The following TRAPPC9 variants were observed in gnomAD, a reference collection of about 807,000 sequenced individuals.
The protein encoded by TRAPPC9 is trafficking protein particle complex subunit 9.
Under a neutral mutation model 124.0 loss-of-function variants are expected in TRAPPC9, and 83 were observed. The observed-to-expected ratio is 0.67, with a 90% CI of 0.56 to 0.80. TRAPPC9 has a LOEUF of 0.80. Ranked by LOEUF, TRAPPC9 falls within the 30% of genes least tolerant of loss-of-function variation. The probability of loss-of-function intolerance (pLI) is 0.00; values close to 1 mark genes in which losing one functional copy is unlikely to be tolerated. For synonymous variants in TRAPPC9, 638 were observed against 617.5 expected (o/e 1.03, Z -0.49); for missense variants, 1,302 against 1,508.3 (o/e 0.86, Z 2.27).
At chr8:140,207,170 A>T (rs1193134683) in intron 17 of TRAPPC9, among the ~76,000 whole-genome samples, 2 of 152,182 alleles carry the variant, frequency 1.3e-5, no homozygotes, top group Non-Finnish European at 2.9e-5. Context: ...TGACATACTA[A>T]GGATGGTCTC....
chr8:139,952,574 G>C (rs541167420), intron 19 of TRAPPC9, among the ~76,000 whole-genome samples: 1 of 152,340 alleles, frequency 6.6e-6, no homozygotes, highest in East Asian at 1.9e-4. Context: ...GGCAAAGAGT[G>C]TGCCAAGAAA....
intron 21 of TRAPPC9, among the ~76,000 whole-genome samples, chr8:139,810,257 C>T (rs992201205): frequency 2.0e-5 from 3 of 152,162 alleles, no homozygotes; most frequent in South Asian, 2.1e-4. Flanking sequence ...TGGGAGGCGA[C>T]GCCAAGGAGA....
chr8:139,823,179 C>T (rs1245877764), intron 21 of TRAPPC9, among the ~76,000 whole-genome samples: 1 of 152,136 alleles, frequency 6.6e-6, no homozygotes, highest in Non-Finnish European at 1.5e-5. Context: ...TCAGTTCGGA[C>T]CAGTACCCTT....
chr8:140,408,049 A>C (rs1285645528), intron 5 of TRAPPC9, among the ~76,000 whole-genome samples: 1 of 152,206 alleles, frequency 6.6e-6, no homozygotes, highest in African/African-American at 2.4e-5. Flanking sequence ...AGACCAATTT[A>C]ATTTCATTCA....
At chr8:140,329,411 G>C (rs187890660) in intron 9 of TRAPPC9, among the ~76,000 whole-genome samples, 1 of 152,288 alleles carries the variant, frequency 6.6e-6, no homozygotes, top group East Asian at 1.9e-4. Flanking sequence ...AGCAGACAAA[G>C]CGATGGCTCG....
chr8:140,094,935 T>TA (rs1273131056), intron 17 of TRAPPC9: 1 of 152,214 alleles, frequency 6.6e-6, no homozygotes, highest in Non-Finnish European at 1.5e-5. Flanking sequence ...CTGCAGTGGG[T>TA]ACTCAAAAAT....
intron 13 of TRAPPC9, among the ~76,000 whole-genome samples, chr8:140,285,340 T>A (rs1056719918): frequency 5.9e-5 from 9 of 152,206 alleles, no homozygotes; most frequent in African/African-American, 1.7e-4. Context: ...AGGCCACGGC[T>A]ATGGGCCTAC....
At chr8:140,393,313 G>T (rs2068986552) in intron 7 of TRAPPC9, among the ~76,000 whole-genome samples, 1 of 152,096 alleles carries the variant, frequency 6.6e-6, no homozygotes, top group African/African-American at 2.4e-5. Flanking sequence ...TGAGGAAATG[G>T]CAACTTCAAC....
At chr8:140,197,704 T>C (rs1402336072) in intron 17 of TRAPPC9, among the ~76,000 whole-genome samples, 1 of 152,156 alleles carries the variant, frequency 6.6e-6, no homozygotes, top group African/African-American at 2.4e-5. Flanking sequence ...TGTTGCTTTT[T>C]AAAACAGCCA....
At chr8:140,356,820 G>T (rs935874889) in intron 9 of TRAPPC9, among the ~76,000 whole-genome samples, 1 of 151,168 alleles carries the variant, frequency 6.6e-6, no homozygotes, top group African/African-American at 2.5e-5. Context: ...ATGTTGTCCA[G>T]GCTAGTGTCG....
chr8:140,117,145 CTG>C (rs1458102378), intron 17 of TRAPPC9, among the ~76,000 whole-genome samples: 3 of 152,190 alleles, frequency 2.0e-5, no homozygotes, highest in Admixed American at 1.3e-4. Flanking sequence ...ACTGACTTAA[CTG>C]TGCACACCAT....
chr8:140,050,692 A>G (rs960090101), intron 17 of TRAPPC9, among the ~76,000 whole-genome samples: 3 of 152,084 alleles, frequency 2.0e-5, no homozygotes, highest in African/African-American at 7.2e-5. Context: ...AGGAAGAGAG[A>G]TGGGAGATGG....
Position 139,732,008 on chromosome 8 carries a change from C to A in TRAPPC9, c.3250G>T (p.Val1084Leu). ...TCGAGGTAGAAGGTGCTGGAGCCCA[C>A]GAAGGAGACGGTGTCGTGCAGGTCG... is the stretch of plus-strand genomic sequence containing the variant. ...NYDLHDTVSF[V>L]GSSTFYLDAV... Residue 1084 changes from valine (V) to leucine (L), a missense_variant, in exon 22 of 23, where the codon GTG becomes TTG. Val to Leu is a conservative substitution (Grantham distance 32). Transcript: ENST00000438773. The A allele has an allele frequency of 6.3e-7, 1 of 1,595,016 alleles. No individual in the cohort carries two copies. The highest frequency in any genetic ancestry group is 8.5e-7 in the Non-Finnish European group (1 of 1,170,540).
At chr8:140,000,351 G>C (rs1172235875) in intron 18 of TRAPPC9, among the ~76,000 whole-genome samples, 12 of 152,252 alleles carry the variant, frequency 7.9e-5, no homozygotes, top group African/African-American at 2.9e-4. Flanking sequence ...AACACCAAAA[G>C]CAATGGCAAC....
intron 21 of TRAPPC9, among the ~76,000 whole-genome samples, chr8:139,791,326 G>GACACAC (rs56674949): frequency 3.5e-4 from 52 of 147,362 alleles, no homozygotes; most frequent in East Asian, 1.4e-3. Context: ...CCCCTGCACA[G>GACACAC]ACACACACAC....
chr8:139,851,314 G>A (rs759610834), intron 21 of TRAPPC9, among the ~76,000 whole-genome samples: 19 of 152,102 alleles, frequency 1.2e-4, no homozygotes, highest in Admixed American at 3.3e-4. Flanking sequence ...CACTCTCCCC[G>A]TGTCACCATG....
rs753373930 is a variant in TRAPPC9, at chr8:140,451,312, T to A, written c.62A>T (p.Gln21Leu). The A allele has an allele frequency of 6.2e-7, 1 of 1,608,382 alleles. No homozygotes were observed. Among genetic ancestry groups the A allele is most frequent in the South Asian group, 1.1e-5 (1 of 91,082 alleles). The change falls in exon 2 of 23, where the codon CAG becomes CTG. Residue 21 changes from glutamine to leucine, a missense_variant. Around this residue, in one of 3 missense-constraint regions of TRAPPC9, gnomAD observed 657 missense variants for 811.2 expected, o/e 0.81. Coordinates refer to ENST00000438773, the MANE Select transcript of TRAPPC9 (RefSeq NM_001160372.4). Reference sequence around the variant, plus strand: ...CTCCTCGGAGACGATGCCCACAGGCTGGACCACCACGAGCAGCGTCTGGTG... The same window carrying A: ...CTCCTCGGAGACGATGCCCACAGGCAGGACCACCACGAGCAGCGTCTGGTG... ...EDHQTLLVVV[Q>L]PVGIVSEENF...
intron 9 of TRAPPC9, among the ~76,000 whole-genome samples, chr8:140,349,632 G>C (rs1452461737): frequency 6.6e-6 from 1 of 152,160 alleles, no homozygotes; most frequent in Non-Finnish European, 1.5e-5. Context: ...CGGCAGGAGG[G>C]AGCGGGGAAC....
At chr8:139,991,556 T>A (rs1837645183) in intron 18 of TRAPPC9, among the ~76,000 whole-genome samples, 1 of 151,850 alleles carries the variant, frequency 6.6e-6, no homozygotes, top group African/African-American at 2.4e-5. Flanking sequence ...GAGCATATGG[T>A]TTACCTTAAT....
Sources: allele counts gnomAD v4.1 joint callset (sites outside exome capture counted in the v4.1 genomes callset), GRCh38; gene constraint gnomAD v4.1.1; regional missense constraint gnomAD v4.1.1; transcripts MANE v1.5; gene names NCBI Gene and HGNC (gene_info 2026-07-23, HGNC 2026-07-21).